The following DGKA variants were observed in gnomAD, a reference collection of about 807,000 sequenced individuals.
DGKA encodes 80 kDa diacylglycerol kinase.
DGKA carries 35 observed loss-of-function variants against 105.0 expected under a neutral mutation model. That is an observed-to-expected ratio of 0.33 (90% CI 0.25 to 0.44). The LOEUF (loss-of-function observed/expected upper bound fraction) is 0.44. Among genes scored for constraint, DGKA ranks in the 20% least tolerant of loss-of-function variants. The pLI, the probability that DGKA is intolerant of heterozygous loss-of-function variation, is 1.00. For synonymous variants in DGKA, 296 were observed against 332.0 expected (o/e 0.89, Z 1.18); for missense variants, 665 against 915.0 (o/e 0.73, Z 3.53).
At chr12:55,939,385 C>T (rs1436831649) in intron 8 of DGKA, 30 bp from the exon 9 acceptor site, 2 of 1,613,932 alleles carry the variant, frequency 1.2e-6, no homozygotes, top group Admixed American at 1.7e-5. Flanking sequence ...AGGGCTTTGA[C>T]ACTCCCTAGC....
Position 55,942,067 on chromosome 12 carries a change from G to A in DGKA, c.1320G>A (p.Trp440Ter). ...LVCGGDGTVG[W>*]ILETIDKANL... ...GTGGTGGAGACGGCACAGTAGGCTG[G>A]ATTCTAGAGACCATTGGTCAGTGCA... Residue 440 changes from tryptophan (W) to a stop codon, truncating the protein, a stop_gained, in exon 16 of 24, where the codon TGG becomes TGA. Coordinates refer to ENST00000331886, the MANE Select transcript of DGKA (RefSeq NM_001345.5). LOFTEE classifies it high-confidence loss of function. 6.2e-7 allele frequency: 1 copy of A among 1,614,160 alleles called. No homozygotes were observed.
chr12:55,939,685 C>T (rs1438884784), intron 9 of DGKA, 156 bp downstream of exon 9: 14 of 697,856 alleles, frequency 2.0e-5, no homozygotes, highest in East Asian at 8.1e-5. Context: ...TTCTTTAAGC[C>T]TTAGTTTCCT....
intron 4 of DGKA, 90 bp from the exon 5 acceptor site, chr12:55,937,888 T>C (rs562075441): frequency 8.4e-7 from 1 of 1,190,118 alleles, no homozygotes; most frequent in African/African-American, 1.5e-5. Flanking sequence ...ATCTTTTTTT[T>C]AAAAAAAGGG....
chr12:55,938,878 G>A, intron 6 of DGKA, 37 bp from the exon 7 acceptor site: 1 of 1,612,594 alleles, frequency 6.2e-7, no homozygotes, highest in Non-Finnish European at 8.5e-7. Context: ...TGGTAGTAAA[G>A]GGGATATGGC....
chr12:55,939,892 G>A, intron 9 of DGKA, 190 bp from the exon 10 acceptor site: 1 of 614,788 alleles, frequency 1.6e-6, no homozygotes, highest in Non-Finnish European at 2.9e-6. Flanking sequence ...GCATGCAGTA[G>A]CAGCTGATCT....
At chr12:55,941,613 G>A in intron 15 of DGKA, 29 bp downstream of exon 15, 1 of 1,607,078 alleles carries the variant, frequency 6.2e-7, no homozygotes, top group East Asian at 2.2e-5. Context: ...CTGTATCACA[G>A]TGTTTTCGTG....
chr12:55,936,793 T>C lies in DGKA; in HGVS notation c.65-224T>C, dbSNP rs765062008. The stretch of plus-strand genomic sequence containing the variant: ...GCTGCATTGTGCAAGGTCTCGGCTC[T>C]CTACCCACCTTCGCTATACCTGGAC... On this transcript the variant is annotated intron_variant, in intron 2 of 23. Transcript: ENST00000331886. 5 of 815,790 alleles carry C rather than the reference T, an allele frequency of 6.1e-6. No individual in the cohort carries two copies. In the South Asian group the frequency reaches 7.0e-5, roughly 11 times the overall value. The allele number at this position is 815,790 out of a possible 1,614,324, so 50.5% of individuals were successfully genotyped here.
chr12:55,928,676 C>CAAAAAA (rs56280303), upstream of DGKA, among the ~76,000 whole-genome samples: 16 of 47,268 alleles, frequency 3.4e-4, no homozygotes, highest in Non-Finnish European at 4.3e-4. Flanking sequence ...GACCCCGTCT[C>CAAAAAA]AAAAAAAAAA....
rs199947250 is a variant in DGKA, at chr12:55,937,494, T to C, written c.225T>C (p.Phe75=). 6 of 1,614,180 alleles carry C rather than the reference T, an allele frequency of 3.7e-6. No individual in the cohort carries two copies. The highest frequency in any genetic ancestry group is 4.2e-6 in the Non-Finnish European group (5 of 1,180,036). Residue 75 remains phenylalanine (F), a synonymous_variant, in exon 4 of 24, where the codon TTT becomes TTC. Coordinates refer to ENST00000331886, the MANE Select transcript of DGKA (RefSeq NM_001345.5). ...NVPRHLSLAL[F]QSFETGHCLN... is the part of the protein sequence containing the mutation. ...CCAGACACCTAAGCCTGGCACTGTT[T>C]CAATCCTTTGAGACTGGTCACTGCT...
Position 55,941,998 on chromosome 12 carries a change from G to C in DGKA, c.1251G>C (p.Gly417=), listed in dbSNP as rs576051021. 1.9e-6 allele frequency: 3 copies of C among 1,613,942 alleles called. No homozygotes were observed. The highest frequency in any genetic ancestry group is 2.5e-6 in the Non-Finnish European group (3 of 1,180,010). ...ATATTCTCTCTCCCCTTTGTCTCAG[G>C]CTCCGATTATTCAAGGATGTTCCTG... ...FNLLKDGPEI[G]LRLFKDVPDS... Residue 417 remains glycine (G), a splice_region_variant and synonymous_variant, in exon 16 of 24, where the codon GGG becomes GGC. Coordinates refer to ENST00000331886, the MANE Select transcript of DGKA (RefSeq NM_001345.5).
In DGKA at chr12:55,938,919, T is replaced by G; in HGVS notation, c.404T>G (p.Val135Gly). 6.2e-7 allele frequency: 1 copy of G among 1,614,214 alleles called. No homozygotes were observed. The highest frequency in any genetic ancestry group is 8.5e-7 in the Non-Finnish European group (1 of 1,180,042). ...DRNGILDSSE[V>G]DKIILQMMRV... ...CTCTTGCCCTTTTTGCTCCAGGAAG[T>G]GGACAAAATTATCCTACAGATGATG... The change falls in exon 7 of 24, where the codon GTG (valine) becomes GGG (glycine). Residue 135 changes from valine (V) to glycine (G), a missense_variant. Physicochemically the swap from Val to Gly is moderately radical, Grantham distance 109 (BLOSUM62 -3). This residue lies in a region of DGKA where 504 missense variants were observed against 681.2 expected (regional missense o/e 0.74). Transcript: ENST00000331886.
At chr12:55,949,168 GCACA>G (rs139522411) in intron 17 of DGKA, among the ~76,000 whole-genome samples, 4 of 149,524 alleles carry the variant, frequency 2.7e-5, no homozygotes, top group Admixed American at 2.7e-4. Flanking sequence ...TTACATGCAT[GCACA>G]CACACACACA....
chr12:55,933,681 C>G (rs547716830), intron 1 of DGKA: 1 of 152,292 alleles, frequency 6.6e-6, no homozygotes, highest in East Asian at 1.9e-4. Flanking sequence ...CCTCGTCATC[C>G]TCCCAGAGGC....
At position 55,937,262 on chromosome 12, in the gene DGKA, A is replaced by AATCC. The variant is rs369578436; in HGVS notation, c.139-146_139-145insATCC. The stretch of plus-strand genomic sequence containing the variant: ...TAGGATAAAACAAGGGATTCTATTA[A>AATCC]CTCAGGACTTAATCAAAGAAACCAT... On this transcript the variant is annotated intron_variant, in intron 3 of 23. Coordinates refer to ENST00000331886, the MANE Select transcript of DGKA (RefSeq NM_001345.5). The AATCC allele has an allele frequency of 1.2e-3, 1,510 of 1,209,268 alleles. 20 individuals carry two copies. In the African/African-American group the frequency reaches 0.017, roughly 13 times the overall value. The allele number at this position is 1,209,268 out of a possible 1,614,324, so 74.9% of individuals were successfully genotyped here. A position where few individuals can be genotyped will look rare whatever the true frequency, so the allele number is the denominator to read the frequency against.
intron 1 of DGKA, among the ~76,000 whole-genome samples, chr12:55,934,872 G>A (rs1389931421): frequency 6.6e-6 from 1 of 152,158 alleles, no homozygotes; most frequent in Non-Finnish European, 1.5e-5. Context: ...ACTACATACT[G>A]GGAAGGGTAT....
In DGKA at chr12:55,939,478, A is replaced by C; in HGVS notation, c.658A>C (p.Asn220His). The change falls in exon 9 of 24, where the codon AAT (asparagine) becomes CAT (histidine). Residue 220 changes from asparagine (N) to histidine (H), a missense_variant. By Grantham distance (68) the Asn-to-His change is moderately conservative (BLOSUM62 1). Around this residue, in one of 3 missense-constraint regions of DGKA, gnomAD observed 504 missense variants for 681.2 expected, o/e 0.74. Transcript: ENST00000331886. The part of the protein sequence containing the change: ...PKRFPRPVYC[N>H]LCESSIGLGK... ...GAGGTTCCCCAGACCAGTCTACTGC[A>C]ATCTGTGCGAGTCAAGCATTGGTCT... The C allele has an allele frequency of 6.2e-7, 1 of 1,614,230 alleles. No homozygotes were observed. The highest frequency in any genetic ancestry group is 8.5e-7 in the Non-Finnish European group (1 of 1,180,044).
rs1369479338 is a variant in DGKA at position 55,952,974 on chromosome 12, G to C, written c.1942+42G>C. The C allele has an allele frequency of 6.2e-7, 1 of 1,613,972 alleles. No individual in the cohort carries two copies. The highest frequency in any genetic ancestry group is 1.7e-5 in the Admixed American group (1 of 60,010). On this transcript the variant is annotated intron_variant, in intron 21 of 23. Transcript: ENST00000331886. The surrounding 1 kb of genome is among the most constrained non-coding windows in gnomAD (Gnocchi z 5.1). Reference sequence around the variant, plus strand: ...TGGGAGCTGAGTGGGCAGGACGAAGGGAAAGTGTGACTCCCTATGGGGATA... The same window carrying C: ...TGGGAGCTGAGTGGGCAGGACGAAGCGAAAGTGTGACTCCCTATGGGGATA...
At chr12:55,947,479 G>A (rs1311028054) in intron 17 of DGKA, among the ~76,000 whole-genome samples, 1 of 152,100 alleles carries the variant, frequency 6.6e-6, no homozygotes, top group East Asian at 1.9e-4. Flanking sequence ...TTTAAACAAT[G>A]AGATCATTTT....
upstream of DGKA, chr12:55,927,513 C>T (rs887427160): frequency 2.9e-6 from 2 of 692,322 alleles, no homozygotes; most frequent in Non-Finnish European, 4.9e-6. Context: ...GGCCTGCACC[C>T]AGATCTCAGA....
Sources: allele counts gnomAD v4.1 joint callset (sites outside exome capture counted in the v4.1 genomes callset), GRCh38; gene constraint gnomAD v4.1.1; regional missense constraint gnomAD v4.1.1; non-coding constraint Gnocchi (gnomAD v3.1); transcripts MANE v1.5; gene names NCBI Gene and HGNC (gene_info 2026-07-23, HGNC 2026-07-21).